The following COL19A1 variants were observed in gnomAD, a reference collection of about 807,000 sequenced individuals.
The protein encoded by COL19A1 is collagen type XIX alpha 1 chain.
In COL19A1, 159 loss-of-function variants were observed where a neutral mutation model predicts 190.2. That is an observed-to-expected ratio of 0.84 (90% CI 0.73 to 0.95). COL19A1 has a LOEUF of 0.95. COL19A1 is among the 40% of genes least tolerant of loss of function. The probability of loss-of-function intolerance (pLI) is 0.00; values close to 1 mark genes in which losing one functional copy is unlikely to be tolerated. For synonymous variants in COL19A1, 509 were observed against 458.9 expected (o/e 1.11, Z -1.39); for missense variants, 1,418 against 1,431.9 (o/e 0.99, Z 0.16).
At chr6:70,192,562 A>C (rs1766945811) in intron 48 of COL19A1, among the ~76,000 whole-genome samples, 1 of 150,004 alleles carries the variant, frequency 6.7e-6, no homozygotes, top group South Asian at 2.2e-4. Context: ...TTGCTTTCCA[A>C]ACACTCATTT....
chr6:69,898,183 G>A (rs1769919390), intron 2 of COL19A1, among the ~76,000 whole-genome samples: 1 of 152,114 alleles, frequency 6.6e-6, no homozygotes, highest in South Asian at 2.1e-4. Context: ...TTAAACTAAT[G>A]GTCTTAACTG....
chr6:70,199,004 C>T (rs1390121758), intron 48 of COL19A1, among the ~76,000 whole-genome samples: 1 of 152,214 alleles, frequency 6.6e-6, no homozygotes, highest in African/African-American at 2.4e-5. Flanking sequence ...GACCTCACTC[C>T]ATGTCAACTG....
intron 9 of COL19A1, among the ~76,000 whole-genome samples, chr6:69,944,371 C>G (rs1291967361): frequency 6.6e-6 from 1 of 152,096 alleles, no homozygotes; most frequent in Non-Finnish European, 1.5e-5. Flanking sequence ...ATGCTGAATG[C>G]ATGAATGAAC....
At chr6:70,093,946 CAA>C (rs2150178634) in intron 15 of COL19A1, among the ~76,000 whole-genome samples, 1 of 152,236 alleles carries the variant, frequency 6.6e-6, no homozygotes, top group East Asian at 1.9e-4. Context: ...ATCCCAGCCT[CAA>C]TAATGTTCAT....
chr6:70,022,740 C>T (rs763902401), intron 11 of COL19A1, among the ~76,000 whole-genome samples: 12 of 152,244 alleles, frequency 7.9e-5, no homozygotes, highest in South Asian at 2.1e-4. Flanking sequence ...CTTTTTATAT[C>T]ATGAACATTT....
At chr6:69,941,089 A>G (rs1239401813) in intron 9 of COL19A1, among the ~76,000 whole-genome samples, 3 of 152,194 alleles carry the variant, frequency 2.0e-5, no homozygotes, top group East Asian at 1.9e-4. Context: ...CAGAAGTGCA[A>G]TGTTACTAAG....
intron 2 of COL19A1, among the ~76,000 whole-genome samples, chr6:69,895,134 G>A (rs1769629863): frequency 6.6e-6 from 1 of 152,202 alleles, no homozygotes; most frequent in Non-Finnish European, 1.5e-5. Flanking sequence ...TCAGCTGGCT[G>A]TGGGGGACTT....
intron 14 of COL19A1, among the ~76,000 whole-genome samples, chr6:70,043,845 G>T (rs1028647804): frequency 6.6e-6 from 1 of 152,140 alleles, no homozygotes; most frequent in Non-Finnish European, 1.5e-5. Flanking sequence ...TTACCTTAAA[G>T]TCACAAACTG....
chr6:69,960,383 G>C (rs2150044357), intron 10 of COL19A1, among the ~76,000 whole-genome samples: 1 of 152,278 alleles, frequency 6.6e-6, no homozygotes, highest in East Asian at 1.9e-4. Context: ...CCTTTGACTA[G>C]TTTTGTTACC....
chr6:70,052,314 A>G (rs954211807), intron 14 of COL19A1, among the ~76,000 whole-genome samples: 2 of 152,162 alleles, frequency 1.3e-5, no homozygotes, highest in Admixed American at 6.5e-5. Context: ...ACAGGTGTAA[A>G]GATAGTTCAG....
At chr6:70,054,843 A>G (rs948825282) in intron 14 of COL19A1, among the ~76,000 whole-genome samples, 1 of 152,216 alleles carries the variant, frequency 6.6e-6, no homozygotes, top group East Asian at 1.9e-4. Context: ...AAGAAAACAT[A>G]AGAATTTTAA....
rs1583115003 is a variant in COL19A1, at chr6:70,184,855, G to A, written c.2812-16G>A. The A allele has an allele frequency of 1.2e-6, 2 of 1,612,580 alleles. No homozygotes were observed. The highest frequency in any genetic ancestry group is 3.3e-5 in the Admixed American group (2 of 59,718). On this transcript the variant is annotated splice_polypyrimidine_tract_variant and intron_variant, in intron 45 of 50. Transcript: ENST00000620364. ...CTTGGCAAGGAGTGATTTTCATGTT[G>A]ACATCTGTTTTTCAGGGCATCATGG...
At chr6:69,995,676 C>T (rs944614780) in intron 11 of COL19A1, among the ~76,000 whole-genome samples, 2 of 152,000 alleles carry the variant, frequency 1.3e-5, no homozygotes, top group African/African-American at 4.8e-5. Flanking sequence ...GGACTATTAA[C>T]TAGATCTTAG....
chr6:69,869,379 C>T (rs1038120860), intron 1 of COL19A1, among the ~76,000 whole-genome samples: 1 of 152,142 alleles, frequency 6.6e-6, no homozygotes, highest in Non-Finnish European at 1.5e-5. Context: ...GAGCAAGTTG[C>T]ATATTAAATT....
intron 2 of COL19A1, among the ~76,000 whole-genome samples, chr6:69,888,203 G>A (rs1018485875): frequency 6.6e-6 from 1 of 152,032 alleles, no homozygotes; most frequent in Non-Finnish European, 1.5e-5. Context: ...AGACAAAGCC[G>A]GTTATTAGAA....
chr6:69,996,824 A>G (rs138629926), intron 11 of COL19A1, among the ~76,000 whole-genome samples: 1 of 152,110 alleles, frequency 6.6e-6, no homozygotes, highest in East Asian at 1.9e-4. Flanking sequence ...ACCTTTAAAT[A>G]GAGTCTGTAA....
chr6:70,181,312 A>C (rs1766160792), intron 44 of COL19A1, among the ~76,000 whole-genome samples: 1 of 152,150 alleles, frequency 6.6e-6, no homozygotes, highest in African/African-American at 2.4e-5. Context: ...CAGAGAAGAC[A>C]TGAAAAAAAT....
At chr6:70,026,348 C>T (rs1778729939) in intron 12 of COL19A1, among the ~76,000 whole-genome samples, 1 of 152,134 alleles carries the variant, frequency 6.6e-6, no homozygotes, top group Non-Finnish European at 1.5e-5. Context: ...ACTGAGAGAT[C>T]CCAAAGGCCT....
chr6:70,069,238 G>C (rs1005937708), intron 15 of COL19A1, among the ~76,000 whole-genome samples: 1 of 152,102 alleles, frequency 6.6e-6, no homozygotes, highest in Non-Finnish European at 1.5e-5. Context: ...GAGTTTAGAT[G>C]ATGTGCCTAA....
Sources: gnomAD v4.1 joint callset for allele counts (sites outside exome capture counted in the v4.1 genomes callset) on GRCh38, gnomAD v4.1.1 for gene constraint, MANE v1.5 for transcripts, NCBI Gene and HGNC (gene_info 2026-07-23, HGNC 2026-07-21) for gene names.